Variants in CFB observed in about 807,000 individuals in gnomAD.
CFB encodes B-factor, properdin.
A neutral mutation model predicts 97.2 loss-of-function variants in CFB; 59 were observed. The observed-to-expected ratio is 0.61, with a 90% CI of 0.49 to 0.75. The LOEUF is 0.75. Among genes scored for constraint, CFB ranks in the 30% least tolerant of loss-of-function variants. The probability of loss-of-function intolerance (pLI) is 0.00; values close to 1 mark genes in which losing one functional copy is unlikely to be tolerated. For synonymous variants in CFB, 316 were observed against 351.7 expected (o/e 0.90, Z 1.14); for missense variants, 771 against 959.8 (o/e 0.80, Z 2.60).
chr6:31,947,843 G>C lies in CFB; in HGVS notation c.760G>C (p.Gly254Arg). The change falls in exon 5 of 18, where the codon GGG becomes CGG. Residue 254 changes from glycine to arginine, a missense_variant and splice_region_variant. Transcript: ENST00000425368. The surrounding 1 kb of genome is among the most constrained non-coding windows in gnomAD (Gnocchi z 5.3). ...CGATGCTGAGGATGGGCACGGCCCAGGTTTGAAGACAGAGAAGGGAGGCAG... is the reference window on the plus strand; with the variant it reads ...CGATGCTGAGGATGGGCACGGCCCACGTTTGAAGACAGAGAAGGGAGGCAG... ...GVDAEDGHGP[G>R]EQQKRKIVLD... The C allele has an allele frequency of 6.2e-7, 1 of 1,614,030 alleles. No individual in the cohort carries two copies. The highest frequency in any genetic ancestry group is 2.2e-5 in the East Asian group (1 of 44,888).
Position 31,947,655 on chromosome 6 carries a change from T to G in CFB, c.659-87T>G. The G allele has an allele frequency of 6.4e-7, 1 of 1,574,624 alleles. No individual in the cohort carries two copies. Among genetic ancestry groups the G allele is most frequent in the Non-Finnish European group, 8.7e-7 (1 of 1,145,404 alleles). ...AACTATCTCACTTCTGAGCCTTTTA[T>G]ACCCTGGAAACCCATGATCCCCCGT... On this transcript the variant is annotated intron_variant, in intron 4 of 17. Transcript: ENST00000425368. The surrounding 1 kb of genome is among the most constrained non-coding windows in gnomAD (Gnocchi z 5.3).
rs1771421229 is a variant in CFB, at chr6:31,946,390, T to C, written c.82T>C (p.Trp28Arg). 6.2e-7 allele frequency: 1 copy of C among 1,613,074 alleles called. No homozygotes were observed. The highest frequency in any genetic ancestry group is 8.5e-7 in the Non-Finnish European group (1 of 1,180,018). ...CTCTTCAGGTGTGACCACCACTCCA[T>C]GGTCTTTGGCCCGGCCCCAGGGATC... The part of the protein sequence containing the change: ...LLSGGVTTTP[W>R]SLARPQGSCS... Residue 28 changes from tryptophan to arginine, a missense_variant, in exon 2 of 18, where the codon TGG (tryptophan) becomes CGG (arginine). By Grantham distance (101) the Trp-to-Arg change is moderately radical. Coordinates refer to ENST00000425368, the MANE Select transcript of CFB (RefSeq NM_001710.6). This position sits in a 1 kb window ranked among gnomAD's most constrained non-coding sequence, Gnocchi z 6.4.
rs771728020 is a variant in CFB at position 31,952,062 on chromosome 6, G to C, written c.*32G>C. ...TCCTGCTGGACAGGGGCGTGGGATT[G>C]AATTAAAACAGCTGCGACAACACCT... On this transcript the variant is annotated 3_prime_UTR_variant, in exon 18 of 18. Transcript: ENST00000425368. The C allele has an allele frequency of 6.2e-7, 1 of 1,611,046 alleles. No homozygotes were observed. The highest frequency in any genetic ancestry group is 8.5e-7 in the Non-Finnish European group (1 of 1,179,830).
In CFB at chr6:31,946,365, C is replaced by T. The variant is rs920716119; in HGVS notation, c.65-8C>T. On this transcript the variant is annotated splice_region_variant and splice_polypyrimidine_tract_variant and intron_variant, in intron 1 of 17. Coordinates refer to ENST00000425368, the MANE Select transcript of CFB (RefSeq NM_001710.6). The surrounding 1 kb of genome is among the most constrained non-coding windows in gnomAD (Gnocchi z 6.4). ...TTGGGGCCAGGCTTCATCAGCCTTT[C>T]TCTTCAGGTGTGACCACCACTCCAT... The T allele has an allele frequency of 1.9e-6, 3 of 1,612,936 alleles. No homozygotes were observed. The African/African-American group carries it at 4.0e-5, about 22-fold the overall frequency.
chr6:31,951,992 A>C lies in CFB; in HGVS notation c.2257A>C (p.Lys753Gln). The C allele has an allele frequency of 6.2e-7, 1 of 1,613,092 alleles. No homozygotes were observed. Among genetic ancestry groups the C allele is most frequent in the Non-Finnish European group, 8.5e-7 (1 of 1,180,042 alleles). Residue 753 changes from lysine (K) to glutamine (Q), a missense_variant, in exon 18 of 18, where the codon AAG becomes CAG. Lys to Gln is a moderately conservative substitution (Grantham distance 53). Coordinates refer to ENST00000425368, the MANE Select transcript of CFB (RefSeq NM_001710.6). This position sits in a 1 kb window ranked among gnomAD's most constrained non-coding sequence, Gnocchi z 4.3. ...INLFQVLPWL[K>Q]EKLQDEDLGF... ...CCTCTTTCAAGTGCTGCCCTGGCTG[A>C]AGGAGAAACTCCAAGATGAGGATTT...
In CFB at chr6:31,951,846, T is replaced by C. The variant is rs1448276339; in HGVS notation, c.2140-29T>C. ...TTCCAGGATTAGGAATTCTACTGAA[T>C]GATCCATGGCACCCCACTGCCTCTG... On this transcript the variant is annotated intron_variant, in intron 17 of 17. Coordinates refer to ENST00000425368, the MANE Select transcript of CFB (RefSeq NM_001710.6). This position sits in a 1 kb window ranked among gnomAD's most constrained non-coding sequence, Gnocchi z 4.3. The C allele has an allele frequency of 1.2e-6, 2 of 1,613,030 alleles. No homozygotes were observed. Among genetic ancestry groups the C allele is most frequent in the Non-Finnish European group, 1.7e-6 (2 of 1,180,032 alleles).
Position 31,951,708 on chromosome 6 carries a change from C to A in CFB, c.2139+104C>A. On this transcript the variant is annotated intron_variant, in intron 17 of 17. Transcript: ENST00000425368. This position sits in a 1 kb window ranked among gnomAD's most constrained non-coding sequence, Gnocchi z 4.3. ...GCTAGTAATTCGAGGTAGGCAGAGCCTGCCTCACCTTAGGACCGCATGTCT... is the reference window on the plus strand; with the variant it reads ...GCTAGTAATTCGAGGTAGGCAGAGCATGCCTCACCTTAGGACCGCATGTCT... 1 of 1,575,696 alleles carries A rather than the reference C, an allele frequency of 6.3e-7. No homozygotes were observed. The highest frequency in any genetic ancestry group is 8.7e-7 in the Non-Finnish European group (1 of 1,145,268).
chr6:31,946,901 C>A lies in CFB; in HGVS notation c.299-106C>A. ...TAGGTAAGATGCTGCTTCTGCGGGA[C>A]TGGGAATGCGCTGTTTCTCAGTGAC... On this transcript the variant is annotated intron_variant, in intron 2 of 17. Transcript: ENST00000425368. The surrounding 1 kb of genome is among the most constrained non-coding windows in gnomAD (Gnocchi z 6.4). 1.3e-5 allele frequency: 15 copies of A among 1,188,214 alleles called. No individual in the cohort carries two copies. The highest frequency in any genetic ancestry group is 1.1e-5 in the Non-Finnish European group (9 of 802,216). The allele number at this position is 1,188,214 out of a possible 1,614,324, so 73.6% of individuals were successfully genotyped here.
chr6:31,947,573 T>C lies in CFB; in HGVS notation c.658+52T>C, dbSNP rs1771519083. On this transcript the variant is annotated intron_variant, in intron 4 of 17. Coordinates refer to ENST00000425368, the MANE Select transcript of CFB (RefSeq NM_001710.6). The surrounding 1 kb of genome is among the most constrained non-coding windows in gnomAD (Gnocchi z 5.3). ...CAGATCCTGGTCTTCCATCCTACTGTCTTCTCTCCCCACCTCAACCCTGCT... is the reference window on the plus strand; with the variant it reads ...CAGATCCTGGTCTTCCATCCTACTGCCTTCTCTCCCCACCTCAACCCTGCT... 1 of 1,608,798 alleles carries C rather than the reference T, an allele frequency of 6.2e-7. No individual in the cohort carries two copies. The highest frequency in any genetic ancestry group is 8.5e-7 in the Non-Finnish European group (1 of 1,176,710).
chr6:31,946,402 C>A lies in CFB; in HGVS notation c.94C>A (p.Arg32=). The change falls in exon 2 of 18, where the codon CGG becomes AGG. Residue 32 remains arginine (R), a synonymous_variant. Transcript: ENST00000425368. The surrounding 1 kb of genome is among the most constrained non-coding windows in gnomAD (Gnocchi z 6.4). ...GVTTTPWSLA[R]PQGSCSLEGV... The stretch of plus-strand genomic sequence containing the variant: ...GACCACCACTCCATGGTCTTTGGCC[C>A]GGCCCCAGGGATCCTGCTCTCTGGA... The A allele has an allele frequency of 1.2e-6, 2 of 1,612,922 alleles. No homozygotes were observed. Among genetic ancestry groups the A allele is most frequent in the South Asian group, 1.1e-5 (1 of 91,076 alleles).
Position 31,948,420 on chromosome 6 carries a change from C to G in CFB, c.944C>G (p.Ala315Gly). ...CCAAGATATGGTCTAGTGACATATG[C>G]CACATACCCCAAAATTTGGGTCAAA... The part of the protein sequence containing the change: ...VKPRYGLVTY[A>G]TYPKIWVKVS... Residue 315 changes from alanine to glycine, a missense_variant, in exon 7 of 18, where the codon GCC (alanine) becomes GGC (glycine). By Grantham distance (60) the Ala-to-Gly change is moderately conservative. Coordinates refer to ENST00000425368, the MANE Select transcript of CFB (RefSeq NM_001710.6). 6.2e-7 allele frequency: 1 copy of G among 1,614,184 alleles called. No individual in the cohort carries two copies. The highest frequency in any genetic ancestry group is 8.5e-7 in the Non-Finnish European group (1 of 1,180,040).
chr6:31,949,603 C>T, intron 10 of CFB, 46 bp downstream of exon 10: 1 of 1,608,718 alleles, frequency 6.2e-7, no homozygotes. Context: ...CCTCAGGTTC[C>T]CCTGAAGTAA....
Position 31,947,254 on chromosome 6 carries a change from G to A in CFB, c.484+62G>A. On this transcript the variant is annotated intron_variant, in intron 3 of 17. Transcript: ENST00000425368. The surrounding 1 kb of genome is among the most constrained non-coding windows in gnomAD (Gnocchi z 5.3). ...CTGACGGCGCCCAGCCCGAGGAGTG[G>A]GCACTCGGCTCCGGACACTGTAACT... The A allele has an allele frequency of 3.1e-6, 5 of 1,610,912 alleles. No individual in the cohort carries two copies. The highest frequency in any genetic ancestry group is 4.2e-6 in the Non-Finnish European group (5 of 1,179,424).
intron 8 of CFB, 72 bp downstream of exon 8, chr6:31,949,033 T>G: frequency 6.2e-7 from 1 of 1,604,288 alleles, no homozygotes; most frequent in Non-Finnish European, 8.5e-7. Context: ...TAAGTCCACT[T>G]GTAACACTAT....
chr6:31,946,624 G>A lies in CFB; in HGVS notation c.298+18G>A, dbSNP rs1385123354. On this transcript the variant is annotated intron_variant, in intron 2 of 17. Transcript: ENST00000425368. The surrounding 1 kb of genome is among the most constrained non-coding windows in gnomAD (Gnocchi z 6.4). ...GTGCAGAGGTTTGAGGGCAATGAGT[G>A]TGGGCAGTGGCCTAAGGCAGAAACA... 3 of 1,598,106 alleles carry A rather than the reference G, an allele frequency of 1.9e-6. No individual in the cohort carries two copies. The highest frequency in any genetic ancestry group is 2.6e-6 in the Non-Finnish European group (3 of 1,175,234).
rs1462700465 is a variant in CFB, at chr6:31,951,519, C to G, written c.2090-36C>G. 2.5e-6 allele frequency: 4 copies of G among 1,614,206 alleles called. No individual in the cohort carries two copies. The highest frequency in any genetic ancestry group is 3.4e-6 in the Non-Finnish European group (4 of 1,180,030). On this transcript the variant is annotated intron_variant, in intron 16 of 17. Transcript: ENST00000425368. The surrounding 1 kb of genome is among the most constrained non-coding windows in gnomAD (Gnocchi z 4.3). The stretch of plus-strand genomic sequence containing the variant: ...TGTGCTACAAGTGCCCAAGGCCCAA[C>G]AGTCCTTTTCTCTACAGCTTCTCCT...
At position 31,950,689 on chromosome 6, in the gene CFB, A is replaced by T; in HGVS notation, c.1695A>T (p.Lys565Asn). Residue 565 changes from lysine to asparagine, a missense_variant, in exon 13 of 18, where the codon AAA (lysine) becomes AAT (asparagine). By Grantham distance (94) the Lys-to-Asn change is moderately conservative. Coordinates refer to ENST00000425368, the MANE Select transcript of CFB (RefSeq NM_001710.6). ...CCAACTACAACATTAATGGGAAAAA[A>T]GAAGCAGGAATTCCTGAATTTTATG... ...FHPNYNINGKKEAGIPEFYDY... is the reference protein window; with the variant it reads ...FHPNYNINGKNEAGIPEFYDY... The T allele has an allele frequency of 6.2e-7, 1 of 1,613,088 alleles. No individual in the cohort carries two copies.
Position 31,951,075 on chromosome 6 carries a change from T to G in CFB, c.1856-69T>G. 1 of 1,584,012 alleles carries G rather than the reference T, an allele frequency of 6.3e-7. No homozygotes were observed. The highest frequency in any genetic ancestry group is 8.7e-7 in the Non-Finnish European group (1 of 1,154,668). On this transcript the variant is annotated intron_variant, in intron 14 of 17. Coordinates refer to ENST00000425368, the MANE Select transcript of CFB (RefSeq NM_001710.6). This position sits in a 1 kb window ranked among gnomAD's most constrained non-coding sequence, Gnocchi z 4.3. ...CTAGAAGGGCTTAGGGGACATCTACTGAGTGACAAAGGCAATGGGGAGATG... is the reference window on the plus strand; with the variant it reads ...CTAGAAGGGCTTAGGGGACATCTACGGAGTGACAAAGGCAATGGGGAGATG...
At position 31,946,994 on chromosome 6, in the gene CFB, C is replaced by G; in HGVS notation, c.299-13C>G. On this transcript the variant is annotated splice_polypyrimidine_tract_variant and intron_variant, in intron 2 of 17. Transcript: ENST00000425368. The surrounding 1 kb of genome is among the most constrained non-coding windows in gnomAD (Gnocchi z 6.4). ...CCCTCTTGATGACTTCTACTTGTCC[C>G]CCCTTCTCAAAGCAATCCACTGTCC... The G allele has an allele frequency of 2.5e-6, 4 of 1,612,916 alleles. No homozygotes were observed. The highest frequency in any genetic ancestry group is 3.4e-6 in the Non-Finnish European group (4 of 1,179,992).
Sources: allele counts gnomAD v4.1 joint callset, GRCh38; gene constraint gnomAD v4.1.1; non-coding constraint Gnocchi (gnomAD v3.1); transcripts MANE v1.5; gene names NCBI Gene and HGNC (gene_info 2026-07-23, HGNC 2026-07-21).